The following ST6GALNAC3 variants were observed in gnomAD, a reference collection of about 807,000 sequenced individuals.
The protein encoded by ST6GALNAC3 is ST6 N-acetylgalactosaminide alpha-2,6-sialyltransferase 3, also known as alpha-N-acetylgalactosaminide alpha-2,6-sialyltransferase 3.
In ST6GALNAC3, 25 loss-of-function variants were observed where a neutral mutation model predicts 32.7. The ratio of observed to expected loss-of-function variants is 0.76; its 90% CI spans 0.56 to 1.07. ST6GALNAC3 has a LOEUF of 1.07. Ranked by LOEUF, ST6GALNAC3 falls within the 50% of genes least tolerant of loss-of-function variation. The pLI is 0.00. For synonymous variants in ST6GALNAC3, 129 were observed against 133.1 expected, an observed-to-expected ratio of 0.97 and a Z score of 0.21; for missense variants, 355 against 382.4, an observed-to-expected ratio of 0.93 and a Z score of 0.60.
At chr1:76,255,193 T>C (rs963581350) in intron 1 of ST6GALNAC3, among the ~76,000 whole-genome samples, 17 of 152,090 alleles carry the variant, frequency 1.1e-4, no homozygotes, top group African/African-American at 3.9e-4. Context: ...CCTATACCCC[T>C]GTGTCAATTT....
intron 3 of ST6GALNAC3, among the ~76,000 whole-genome samples, chr1:76,493,588 A>G (rs1243987028): frequency 3.3e-5 from 5 of 152,148 alleles, no homozygotes; most frequent in African/African-American, 7.2e-5. Flanking sequence ...CCTGGACCAT[A>G]CACAGAGAAT....
intron 1 of ST6GALNAC3, among the ~76,000 whole-genome samples, chr1:76,151,618 C>T (rs906169946): frequency 3.3e-5 from 5 of 152,176 alleles, no homozygotes; most frequent in African/African-American, 7.2e-5. Context: ...CCACTGGGAA[C>T]GTCTGGGAAA....
chr1:76,625,330 T>C (rs1257286296), intron 3 of ST6GALNAC3, among the ~76,000 whole-genome samples: 7 of 151,824 alleles, frequency 4.6e-5, no homozygotes, highest in Admixed American at 4.6e-4. Flanking sequence ...AATAAATGAG[T>C]AAATACATGA....
chr1:76,504,266 GGA>G (rs2101734550), intron 3 of ST6GALNAC3, among the ~76,000 whole-genome samples: 1 of 152,162 alleles, frequency 6.6e-6, no homozygotes, highest in South Asian at 2.1e-4. Flanking sequence ...TTCTTCACAT[GGA>G]ATTTCCCTGT....
At chr1:76,346,720 A>G (rs1648550670) in intron 2 of ST6GALNAC3, among the ~76,000 whole-genome samples, 1 of 152,120 alleles carries the variant, frequency 6.6e-6, no homozygotes, top group Non-Finnish European at 1.5e-5. Flanking sequence ...TGGCCAAGTT[A>G]CATAATGCTC....
chr1:76,159,845 C>T (rs1361253528), intron 1 of ST6GALNAC3, among the ~76,000 whole-genome samples: 1 of 152,092 alleles, frequency 6.6e-6, no homozygotes, highest in South Asian at 2.1e-4. Context: ...ATTTAATTTC[C>T]CCATCAACCC....
intron 1 of ST6GALNAC3, among the ~76,000 whole-genome samples, chr1:76,142,539 T>C (rs1020881570): frequency 6.6e-6 from 1 of 152,010 alleles, no homozygotes; most frequent in Admixed American, 6.5e-5. Flanking sequence ...ACTCTCAGGG[T>C]GAATGGACCA....
At chr1:76,517,384 T>C (rs1336678930) in intron 3 of ST6GALNAC3, among the ~76,000 whole-genome samples, 2 of 151,864 alleles carry the variant, frequency 1.3e-5, no homozygotes, top group Non-Finnish European at 2.9e-5. Flanking sequence ...ATGTTTTATT[T>C]TTGTCATATA....
chr1:76,191,171 C>T (rs1010931043), intron 1 of ST6GALNAC3, among the ~76,000 whole-genome samples: 8 of 151,968 alleles, frequency 5.3e-5, no homozygotes, highest in Non-Finnish European at 1.2e-4. Context: ...GAGGTCAGGG[C>T]ATTTGTTTGT....
At chr1:76,567,231 G>C (rs188943747) in intron 3 of ST6GALNAC3, among the ~76,000 whole-genome samples, 1 of 151,984 alleles carries the variant, frequency 6.6e-6, no homozygotes, top group Admixed American at 6.6e-5. Context: ...GATGTTGCAC[G>C]GTATCATAAT....
At chr1:76,196,468 CTT>C (rs760047718) in intron 1 of ST6GALNAC3, among the ~76,000 whole-genome samples, 2 of 144,604 alleles carry the variant, frequency 1.4e-5, no homozygotes, top group Non-Finnish European at 1.5e-5. Context: ...ATTCTCAATA[CTT>C]TTTTTTTTTT....
At chr1:76,417,868 A>T (rs960955866) in intron 3 of ST6GALNAC3, among the ~76,000 whole-genome samples, 8 of 152,278 alleles carry the variant, frequency 5.3e-5, no homozygotes, top group South Asian at 4.1e-4. Flanking sequence ...AGCAAATAGA[A>T]TCAATATTTC....
At chr1:76,177,323 TC>T (rs1652913891) in intron 1 of ST6GALNAC3, among the ~76,000 whole-genome samples, 1 of 152,160 alleles carries the variant, frequency 6.6e-6, no homozygotes, top group African/African-American at 2.4e-5. Flanking sequence ...TGTTTTGGAC[TC>T]AGGATGTGTT....
At chr1:76,269,998 T>C (rs909231922) in intron 1 of ST6GALNAC3, among the ~76,000 whole-genome samples, 17 of 152,166 alleles carry the variant, frequency 1.1e-4, no homozygotes, top group African/African-American at 3.6e-4. Context: ...TAATAGAGCC[T>C]CATGCAGAGC....
rs111781792 is a variant in ST6GALNAC3 at position 76,390,489 on chromosome 1, A to C, written c.214-21519A>C. On this transcript the variant is annotated intron_variant, in intron 2 of 4. Coordinates refer to ENST00000328299, the MANE Select transcript of ST6GALNAC3 (RefSeq NM_152996.4). ...CCAAAACTTAGCTACAGTTTACCTTACTAAAATCTCTGCTACTGGTAATCA... is the reference window on the plus strand; with the variant it reads ...CCAAAACTTAGCTACAGTTTACCTTCCTAAAATCTCTGCTACTGGTAATCA... Among the ~76,000 whole-genome samples the C allele has an allele frequency of 2.8e-4, 42 of 152,324 alleles. 1 individual carries two copies. The highest frequency in any genetic ancestry group is 9.9e-4 in the African/African-American group (41 of 41,580).
intron 3 of ST6GALNAC3, among the ~76,000 whole-genome samples, chr1:76,585,518 C>T (rs315035): frequency 0.19 from 28,467 of 152,044 alleles, 3,829 homozygotes; most frequent in African/African-American, 0.38. Context: ...AGAGCCTAAG[C>T]GCAGACACCA....
intron 2 of ST6GALNAC3, among the ~76,000 whole-genome samples, chr1:76,328,480 A>G (rs1647123307): frequency 6.6e-6 from 1 of 152,164 alleles, no homozygotes; most frequent in Non-Finnish European, 1.5e-5. Context: ...TTGCTGATGA[A>G]TTGACCTCAT....
intron 1 of ST6GALNAC3, among the ~76,000 whole-genome samples, chr1:76,090,090 G>T (rs144261487): frequency 2.0e-5 from 3 of 152,280 alleles, no homozygotes; most frequent in African/African-American, 7.2e-5. Context: ...TGCTAGTGGG[G>T]CCAGGGAATA....
chr1:76,128,326 C>T (rs969889524), intron 1 of ST6GALNAC3, among the ~76,000 whole-genome samples: 1 of 152,244 alleles, frequency 6.6e-6, no homozygotes, highest in African/African-American at 2.4e-5. Context: ...TGCAGGAGAA[C>T]ACCCCGTTCC....
Sources: gnomAD v4.1 joint callset for allele counts (sites outside exome capture counted in the v4.1 genomes callset) on GRCh38, gnomAD v4.1.1 for gene constraint, MANE v1.5 for transcripts, NCBI Gene and HGNC (gene_info 2026-07-23, HGNC 2026-07-21) for gene names.